Variants in VAV3 observed in about 807,000 individuals in gnomAD.
VAV3 encodes the protein guanine nucleotide exchange factor VAV3.
In VAV3, 94 loss-of-function variants were observed where a neutral mutation model predicts 131.2. The ratio of observed to expected loss-of-function variants is 0.72; its 90% CI spans 0.61 to 0.85. The LOEUF (loss-of-function observed/expected upper bound fraction) is 0.85. Ranked by LOEUF, VAV3 falls within the 40% of genes least tolerant of loss-of-function variation. The pLI is 0.00. For missense variants in VAV3, 939 were observed against 1,002.7 expected, an observed-to-expected ratio of 0.94 and a Z score of 0.86; for synonymous variants, 349 against 342.0, an observed-to-expected ratio of 1.02 and a Z score of -0.22.
intron 15 of VAV3, among the ~76,000 whole-genome samples, chr1:107,747,682 T>C (rs1663439238): frequency 2.0e-5 from 3 of 152,316 alleles, no homozygotes; most frequent in African/African-American, 7.2e-5. Context: ...TTGAAATAAA[T>C]ATCATTCCTA....
intron 2 of VAV3, among the ~76,000 whole-genome samples, chr1:107,835,083 C>T (rs1393381954): frequency 1.3e-5 from 2 of 152,128 alleles, no homozygotes; most frequent in African/African-American, 4.8e-5. Context: ...TAGCTGTAAC[C>T]CCTGCTGACT....
At chr1:107,598,325 C>T (rs1463946399) in intron 24 of VAV3, among the ~76,000 whole-genome samples, 2 of 152,086 alleles carry the variant, frequency 1.3e-5, no homozygotes, top group Admixed American at 6.5e-5. Context: ...CACTGTACTC[C>T]AGCCTGGGCA....
chr1:107,799,808 A>G (rs1269162229), intron 2 of VAV3, among the ~76,000 whole-genome samples: 2 of 152,118 alleles, frequency 1.3e-5, no homozygotes, highest in African/African-American at 4.8e-5. Flanking sequence ...ATCAAATTGT[A>G]TATCTGTAGC....
intron 19 of VAV3, among the ~76,000 whole-genome samples, chr1:107,658,128 T>G (rs755944550): frequency 6.6e-6 from 1 of 152,200 alleles, no homozygotes; most frequent in Non-Finnish European, 1.5e-5. Flanking sequence ...TAAAGTACGT[T>G]CAACGTGAAA....
At chr1:107,697,442 C>T (rs1259841081) in intron 17 of VAV3, among the ~76,000 whole-genome samples, 1 of 151,962 alleles carries the variant, frequency 6.6e-6, no homozygotes, top group African/African-American at 2.4e-5. Context: ...TGGAAATATG[C>T]AAAACAGGGA....
chr1:107,787,322 A>G (rs1666061979), intron 2 of VAV3, among the ~76,000 whole-genome samples: 1 of 152,210 alleles, frequency 6.6e-6, no homozygotes, highest in African/African-American at 2.4e-5. Context: ...CAAAATGAGG[A>G]TACAATGCTT....
intron 8 of VAV3, among the ~76,000 whole-genome samples, chr1:107,765,807 A>C (rs1339645242): frequency 6.6e-6 from 1 of 152,224 alleles, no homozygotes; most frequent in African/African-American, 2.4e-5. Context: ...ACTGGAAAAA[A>C]GACACTACTA....
chr1:107,823,249 A>T (rs553542834), intron 2 of VAV3, among the ~76,000 whole-genome samples: 1 of 152,344 alleles, frequency 6.6e-6, no homozygotes, highest in South Asian at 2.1e-4. Flanking sequence ...TTATGATTTT[A>T]GAAACTGCAG....
intron 1 of VAV3, among the ~76,000 whole-genome samples, chr1:107,962,365 C>A (rs1675131468): frequency 6.6e-6 from 1 of 152,154 alleles, no homozygotes; most frequent in African/African-American, 2.4e-5. Context: ...CCAAAGGAAC[C>A]GGTAGGCCTC....
chr1:107,811,101 A>G (rs1208841930), intron 2 of VAV3, among the ~76,000 whole-genome samples: 1 of 152,198 alleles, frequency 6.6e-6, no homozygotes, highest in Non-Finnish European at 1.5e-5. Flanking sequence ...TCCTTCTAAA[A>G]CAGACACAGA....
At chr1:107,785,365 C>T in intron 2 of VAV3, 1 of 1,162,174 alleles carries the variant, frequency 8.6e-7, no homozygotes, top group Admixed American at 4.1e-5. Context: ...TCTGAAATCT[C>T]ACCACTTAAC....
chr1:107,851,512 T>A (rs1669231578), intron 2 of VAV3, among the ~76,000 whole-genome samples: 2 of 152,160 alleles, frequency 1.3e-5, no homozygotes, highest in Non-Finnish European at 2.9e-5. Flanking sequence ...TTTATTCATT[T>A]TATACTGAGC....
chr1:107,599,183 A>G (rs141806440), intron 24 of VAV3, among the ~76,000 whole-genome samples: 66 of 152,316 alleles, frequency 4.3e-4, no homozygotes, highest in African/African-American at 1.5e-3. Context: ...TTATCACTTC[A>G]CTAAGCATGG....
chr1:107,807,214 T>C (rs1667099173), intron 2 of VAV3, among the ~76,000 whole-genome samples: 1 of 152,188 alleles, frequency 6.6e-6, no homozygotes, highest in South Asian at 2.1e-4. Flanking sequence ...CTGCAAATTC[T>C]AACCCTTTCC....
At chr1:107,836,724 C>G (rs1442634727) in intron 2 of VAV3, among the ~76,000 whole-genome samples, 1 of 152,028 alleles carries the variant, frequency 6.6e-6, no homozygotes, top group Non-Finnish European at 1.5e-5. Flanking sequence ...TCAAAAATGG[C>G]AGATGACATT....
chr1:107,683,614 T>A lies in VAV3; in HGVS notation c.1732-81A>T, dbSNP rs996754580. Reference sequence around the variant, plus strand: ...TTAAATTGTATTACTACTGGCACTTTGGAAAGCAAATGAATGTTGCACATT... The same window carrying A: ...TTAAATTGTATTACTACTGGCACTTAGGAAAGCAAATGAATGTTGCACATT... On this transcript the variant is annotated intron_variant, in intron 18 of 26. Coordinates refer to ENST00000370056, the MANE Select transcript of VAV3 (RefSeq NM_006113.5). 6 of 1,377,586 alleles carry A rather than the reference T, an allele frequency of 4.4e-6. No individual in the cohort carries two copies. In the African/African-American group the frequency reaches 8.6e-5, roughly 20 times the overall value. 85.3% of individuals were successfully genotyped at this position (1,377,586 alleles called of 1,614,324 possible). A position where few individuals can be genotyped will look rare whatever the true frequency, so the allele number is the denominator to read the frequency against.
chr1:107,917,462 T>TCAGCTTACAGATCTGACC (rs1553230825), intron 1 of VAV3, among the ~76,000 whole-genome samples: 1 of 152,172 alleles, frequency 6.6e-6, no homozygotes, highest in Non-Finnish European at 1.5e-5. Flanking sequence ...TCTATCTGAC[T>TCAGCTTACAGATCTGACC]CAGCTTACAG....
intron 1 of VAV3, among the ~76,000 whole-genome samples, chr1:107,939,341 C>T (rs1466673534): frequency 6.6e-6 from 1 of 152,158 alleles, no homozygotes; most frequent in African/African-American, 2.4e-5. Context: ...TATGGTTCAA[C>T]TTACAACTTC....
At chr1:107,641,520 C>T (rs562486590) in intron 20 of VAV3, among the ~76,000 whole-genome samples, 10 of 152,164 alleles carry the variant, frequency 6.6e-5, no homozygotes, top group African/African-American at 1.9e-4. Context: ...AACATAATAC[C>T]ATATTTACCT....
Sources: gnomAD v4.1 joint callset for allele counts (sites outside exome capture counted in the v4.1 genomes callset) on GRCh38, gnomAD v4.1.1 for gene constraint, MANE v1.5 for transcripts, NCBI Gene and HGNC (gene_info 2026-07-23, HGNC 2026-07-21) for gene names.